CDH12: variants seen among roughly 807,000 people sequenced by gnomAD.
CDH12 encodes cadherin 12.
CDH12 carries 41 observed loss-of-function variants against 74.1 expected under a neutral mutation model. The ratio of observed to expected loss-of-function variants is 0.55; its 90% CI spans 0.43 to 0.72. The LOEUF is 0.72. CDH12 is among the 30% of genes least tolerant of loss of function. The probability of loss-of-function intolerance (pLI) is 0.00; values close to 1 mark genes in which losing one functional copy is unlikely to be tolerated. For missense variants in CDH12, 945 were observed against 977.2 expected (o/e 0.97, Z 0.44); for synonymous variants, 399 against 355.0 (o/e 1.12, Z -1.39).
Position 22,461,394 on chromosome 5 carries a change from T to A in CDH12, c.-428+43876A>T, listed in dbSNP as rs529798034. On this transcript the variant is annotated intron_variant, in intron 2 of 14. Transcript: ENST00000382254. ...ATAAGAAGTGAGTAGAGAATAATCA[T>A]TTTACTACTGTTAAAAAAAAATGAA... Among the ~76,000 whole-genome samples, 3 of 151,780 alleles carry A rather than the reference T, an allele frequency of 2.0e-5. No individual in the cohort carries two copies. The South Asian group carries it at 6.2e-4, about 32-fold the overall frequency.
intron 2 of CDH12, among the ~76,000 whole-genome samples, chr5:22,417,925 T>TG (rs1743469220): frequency 1.3e-5 from 2 of 152,186 alleles, no homozygotes; most frequent in Non-Finnish European, 2.9e-5. Flanking sequence ...TGGGATACCA[T>TG]ACATGGGTTA....
intron 1 of CDH12, among the ~76,000 whole-genome samples, chr5:22,814,333 A>C (rs1362075422): frequency 6.6e-6 from 1 of 152,188 alleles, no homozygotes; most frequent in African/African-American, 2.4e-5. Context: ...ATTTGAAACT[A>C]AAATAAAATT....
chr5:22,220,174 G>A (rs1277762243), intron 3 of CDH12, among the ~76,000 whole-genome samples: 1 of 151,684 alleles, frequency 6.6e-6, no homozygotes, highest in Non-Finnish European at 1.5e-5. Flanking sequence ...TCTCAGGAGA[G>A]CAACATTGAC....
chr5:22,111,412 C>T (rs1176572669), intron 4 of CDH12, among the ~76,000 whole-genome samples: 2 of 152,166 alleles, frequency 1.3e-5, no homozygotes, highest in African/African-American at 4.8e-5. Context: ...CTGAGACCAA[C>T]CCTTTAGGCT....
rs368250107 is a variant in CDH12, at chr5:22,078,534, T to C, written c.143A>G (p.His48Arg). 2.1e-5 allele frequency: 34 copies of C among 1,613,980 alleles called. No homozygotes were observed. Among genetic ancestry groups the C allele is most frequent in the Middle Eastern group, 3.3e-4 (2 of 6,060 alleles). Residue 48 changes from histidine to arginine, a missense_variant, in exon 5 of 15, where the codon CAT becomes CGT. Transcript: ENST00000382254. Reference sequence around the variant, plus strand: ...CCAGCCACGTTTAACACGTTGGAAATGTGACCGTTGTCCTGGCAGATGGAT... The same window carrying C: ...CCAGCCACGTTTAACACGTTGGAAACGTGACCGTTGTCCTGGCAGATGGAT... ...NVIHLPGQRS[H>R]FQRVKRGWVW...
At chr5:22,303,987 C>T (rs1738000805) in intron 3 of CDH12, among the ~76,000 whole-genome samples, 1 of 152,086 alleles carries the variant, frequency 6.6e-6, no homozygotes, top group Non-Finnish European at 1.5e-5. Context: ...TTATACTAAA[C>T]ATTTTATAAC....
chr5:22,574,415 G>A (rs370483884), intron 1 of CDH12, among the ~76,000 whole-genome samples: 8 of 151,594 alleles, frequency 5.3e-5, no homozygotes, highest in Non-Finnish European at 1.0e-4. Flanking sequence ...ATGCCTTCAC[G>A]TACCATAACA....
chr5:22,009,939 CAAAAAAAAAAAA>C (rs774589642), intron 5 of CDH12, among the ~76,000 whole-genome samples: 11 of 54,346 alleles, frequency 2.0e-4, no homozygotes, highest in Non-Finnish European at 2.8e-4. Context: ...GAAACTGTCT[CAAAAAAAAAAAA>C]AAAAAAAAGA....
intron 10 of CDH12, among the ~76,000 whole-genome samples, chr5:21,797,958 T>C (rs1450885505): frequency 6.6e-6 from 1 of 152,146 alleles, no homozygotes; most frequent in African/African-American, 2.4e-5. Flanking sequence ...TCTAGATACA[T>C]AGTTTCTCTA....
At chr5:22,390,413 A>T (rs1000032561) in intron 3 of CDH12, among the ~76,000 whole-genome samples, 2 of 152,150 alleles carry the variant, frequency 1.3e-5, no homozygotes, top group African/African-American at 4.8e-5. Flanking sequence ...AGCTTCTTTC[A>T]TATAAATTTT....
At chr5:22,679,749 T>C (rs1283092180) in intron 1 of CDH12, among the ~76,000 whole-genome samples, 2 of 152,146 alleles carry the variant, frequency 1.3e-5, no homozygotes, top group Non-Finnish European at 2.9e-5. Context: ...GATGGGAATT[T>C]ATTATGTACA....
chr5:22,672,099 ATAT>A lies in CDH12; in HGVS notation c.-522-166738_-522-166736del, dbSNP rs1252891465. On this transcript the variant is annotated intron_variant, in intron 1 of 14. Transcript: ENST00000382254. ...TATAATATAAATAATTATATATAAT[ATAT>A]TATTATATATAAATATATATTATTT... Among the ~76,000 whole-genome samples, 723 of 84,576 alleles carry A rather than the reference ATAT, an allele frequency of 8.5e-3. 43 individuals carry two copies. The East Asian group carries it at 0.2, about 23-fold the overall frequency. 55.5% of individuals were successfully genotyped at this position (84,576 alleles called of 152,430 possible). A position where few individuals can be genotyped will look rare whatever the true frequency, so the allele number is the denominator to read the frequency against.
chr5:22,047,812 A>G (rs6863107), intron 5 of CDH12, among the ~76,000 whole-genome samples: 2 of 152,180 alleles, frequency 1.3e-5, no homozygotes, highest in South Asian at 4.1e-4. Context: ...TTCATCTTTT[A>G]ACTACTCAGT....
intron 4 of CDH12, among the ~76,000 whole-genome samples, chr5:22,088,635 A>G (rs1743218791): frequency 6.6e-6 from 1 of 152,174 alleles, no homozygotes; most frequent in Admixed American, 6.5e-5. Context: ...AAAGGGCTCT[A>G]CAGCTTTGTC....
At chr5:22,554,387 G>A (rs1237857200) in intron 1 of CDH12, among the ~76,000 whole-genome samples, 1 of 152,044 alleles carries the variant, frequency 6.6e-6, no homozygotes, top group African/African-American at 2.4e-5. Context: ...TGATAATGAG[G>A]GAGGCTATGA....
intron 3 of CDH12, among the ~76,000 whole-genome samples, chr5:22,290,093 C>T (rs1400177083): frequency 1.3e-5 from 2 of 152,124 alleles, no homozygotes; most frequent in South Asian, 2.1e-4. Context: ...TGGCCAGCCA[C>T]GTCTATCGTA....
rs565843982 is a variant in CDH12 at position 21,912,353 on chromosome 5, C to A, written c.527-57563G>T. 2.6e-4 allele frequency among the ~76,000 whole-genome samples: 39 copies of A among 151,792 alleles called. No homozygotes were observed. The South Asian group carries it at 4.4e-3, about 17-fold the overall frequency. Reference sequence around the variant, plus strand: ...GGGACTTACATAACTCTTAATCTTACCCATCGCCTTTACATTCAGTCAGGT... The same window carrying A: ...GGGACTTACATAACTCTTAATCTTAACCATCGCCTTTACATTCAGTCAGGT... On this transcript the variant is annotated intron_variant, in intron 6 of 14. Coordinates refer to ENST00000382254, the MANE Select transcript of CDH12 (RefSeq NM_004061.5).
At chr5:22,782,529 C>G (rs1016974613) in intron 1 of CDH12, among the ~76,000 whole-genome samples, 1 of 152,108 alleles carries the variant, frequency 6.6e-6, no homozygotes, top group African/African-American at 2.4e-5. Flanking sequence ...CCATGCAAAA[C>G]TGTGAGTCAA....
intron 1 of CDH12, among the ~76,000 whole-genome samples, chr5:22,563,779 G>A (rs796865981): frequency 3.9e-5 from 6 of 152,290 alleles, no homozygotes; most frequent in African/African-American, 1.4e-4. Context: ...CGATCATGGT[G>A]TAAGGCAAGG....
Sources: allele counts gnomAD v4.1 joint callset (sites outside exome capture counted in the v4.1 genomes callset), GRCh38; gene constraint gnomAD v4.1.1; transcripts MANE v1.5; gene names NCBI Gene and HGNC (gene_info 2026-07-23, HGNC 2026-07-21).